The following FMNL2 variants were observed in gnomAD, a reference collection of about 807,000 sequenced individuals.
FMNL2 encodes the protein formin like 2.
In FMNL2, 51 loss-of-function variants were observed where a neutral mutation model predicts 130.2. That is an observed-to-expected ratio of 0.39 (90% CI 0.31 to 0.49). The LOEUF is 0.49. Among genes scored for constraint, FMNL2 ranks in the 20% least tolerant of loss-of-function variants. The pLI is 0.85. For missense variants in FMNL2, 977 were observed against 1,316.2 expected (o/e 0.74, Z 3.99); for synonymous variants, 465 against 467.1 (o/e 1.00, Z 0.06).
At chr2:152,418,222 G>T (rs996532355) in intron 1 of FMNL2, among the ~76,000 whole-genome samples, 12 of 152,188 alleles carry the variant, frequency 7.9e-5, no homozygotes, top group African/African-American at 2.9e-4. Context: ...TTAGTCCATT[G>T]CATTTACATG....
At chr2:152,447,801 TTG>T (rs1688430579) in intron 1 of FMNL2, among the ~76,000 whole-genome samples, 1 of 152,174 alleles carries the variant, frequency 6.6e-6, no homozygotes, top group Non-Finnish European at 1.5e-5. Context: ...TGACTGTCGT[TTG>T]GACCAAACGA....
At chr2:152,376,281 A>G (rs1275401800) in intron 1 of FMNL2, among the ~76,000 whole-genome samples, 3 of 152,144 alleles carry the variant, frequency 2.0e-5, no homozygotes, top group South Asian at 2.1e-4. Context: ...AATTGCTTCT[A>G]CTTTCTGGCT....
intron 1 of FMNL2, among the ~76,000 whole-genome samples, chr2:152,345,796 A>T (rs1682087801): frequency 6.6e-6 from 1 of 152,184 alleles, no homozygotes; most frequent in Admixed American, 6.5e-5. Flanking sequence ...GCGAACCTGG[A>T]GAAGCCATTT....
At chr2:152,363,884 T>C (rs1410775287) in intron 1 of FMNL2, among the ~76,000 whole-genome samples, 2 of 152,298 alleles carry the variant, frequency 1.3e-5, no homozygotes, top group East Asian at 3.9e-4. Context: ...AGTTTTCTAC[T>C]TGGTGTCTGG....
At chr2:152,501,015 G>A (rs950036366) in intron 1 of FMNL2, among the ~76,000 whole-genome samples, 7 of 152,220 alleles carry the variant, frequency 4.6e-5, no homozygotes, top group Non-Finnish European at 7.3e-5. Flanking sequence ...AAGGCAGGCC[G>A]GTGCTGTGAG....
intron 1 of FMNL2, among the ~76,000 whole-genome samples, chr2:152,479,022 AGTATGT>A (rs1361245679): frequency 6.6e-6 from 1 of 152,244 alleles, no homozygotes; most frequent in African/African-American, 2.4e-5. Context: ...AATAATTGAA[AGTATGT>A]TAATATTTAG....
intron 8 of FMNL2, among the ~76,000 whole-genome samples, chr2:152,580,037 C>T (rs1156718057): frequency 6.6e-6 from 1 of 152,222 alleles, no homozygotes; most frequent in African/African-American, 2.4e-5. Context: ...TTTCAAACTT[C>T]CCCTGATTAA....
intron 1 of FMNL2, among the ~76,000 whole-genome samples, chr2:152,385,635 A>G (rs1187484793): frequency 1.3e-5 from 2 of 152,214 alleles, no homozygotes; most frequent in African/African-American, 2.4e-5. Flanking sequence ...AGGCAAAAGT[A>G]TATCTGCTTG....
At chr2:152,441,854 G>A (rs1688067409) in intron 1 of FMNL2, among the ~76,000 whole-genome samples, 1 of 151,788 alleles carries the variant, frequency 6.6e-6, no homozygotes, top group Non-Finnish European at 1.5e-5. Context: ...AATTGAGAGA[G>A]GGACTTGGAG....
intron 15 of FMNL2, among the ~76,000 whole-genome samples, chr2:152,623,385 C>T (rs6434129): frequency 0.5 from 76,749 of 152,052 alleles, 20,009 homozygotes; most frequent in East Asian, 0.83. Flanking sequence ...AAATGCTGTA[C>T]GGTGAGGAAT....
At position 152,619,552 on chromosome 2, in the gene FMNL2, G is replaced by GCCAACC; in HGVS notation, c.1673_1674insAACCCC (p.Pro558_Pro559insThrPro). On this transcript the variant is annotated inframe_insertion, in exon 15 of 26. Coordinates refer to ENST00000288670, the MANE Select transcript of FMNL2 (RefSeq NM_052905.4). ...CACCACCTATGCCACCGCCGCCGCC[G>GCCAACC]CCCCCTCCTCCACCTCCTCCTCCCC... is the stretch of plus-strand genomic sequence containing the variant. The GCCAACC allele has an allele frequency of 7.1e-7, 1 of 1,417,708 alleles. No homozygotes were observed. The highest frequency in any genetic ancestry group is 1.3e-5 in the South Asian group (1 of 79,026). The allele number at this position is 1,417,708 out of a possible 1,614,324, so 87.8% of individuals were successfully genotyped here.
intron 2 of FMNL2, among the ~76,000 whole-genome samples, chr2:152,532,999 A>T (rs974489922): frequency 2.0e-5 from 3 of 152,210 alleles, no homozygotes; most frequent in Non-Finnish European, 2.9e-5. Context: ...TATCAAACAG[A>T]TACTTTGCAA....
rs774444186 is a variant in FMNL2 at position 152,542,867 on chromosome 2, A to T, written c.282+48A>T. On this transcript the variant is annotated intron_variant, in intron 3 of 25. Coordinates refer to ENST00000288670, the MANE Select transcript of FMNL2 (RefSeq NM_052905.4). ...CTTTGTTATTGCTTCCTTATTAGCG[A>T]GCAGAATCCTCCTGCATTGGAAGAG... 2.5e-6 allele frequency: 4 copies of T among 1,589,282 alleles called. No homozygotes were observed. The South Asian group carries it at 4.4e-5, about 18-fold the overall frequency.
chr2:152,646,302 C>T (rs906193356), intron 25 of FMNL2, among the ~76,000 whole-genome samples: 1 of 151,622 alleles, frequency 6.6e-6, no homozygotes, highest in Non-Finnish European at 1.5e-5. Flanking sequence ...TACACTCGAG[C>T]CTCAGTGACA....
At chr2:152,607,472 C>T (rs1580083344) in intron 10 of FMNL2, 59 bp downstream of exon 10, 2 of 24,300 alleles carry the variant, frequency 8.2e-5, no homozygotes, top group East Asian at 0.029. Flanking sequence ...TTTCTAAATA[C>T]ACACACACAC....
At chr2:152,356,096 A>G (rs1022578425) in intron 1 of FMNL2, among the ~76,000 whole-genome samples, 5 of 152,158 alleles carry the variant, frequency 3.3e-5, no homozygotes, top group African/African-American at 7.2e-5. Flanking sequence ...TTGATTTGAG[A>G]AGTATTTATG....
intron 1 of FMNL2, among the ~76,000 whole-genome samples, chr2:152,347,788 C>T (rs1682210617): frequency 2.0e-5 from 3 of 152,154 alleles, no homozygotes; most frequent in Admixed American, 2.0e-4. Flanking sequence ...ATTTGAGGGG[C>T]TCATGGCCAC....
intron 1 of FMNL2, among the ~76,000 whole-genome samples, chr2:152,361,704 T>C (rs1368855422): frequency 1.3e-5 from 2 of 152,156 alleles, no homozygotes; most frequent in African/African-American, 4.8e-5. Flanking sequence ...TTGCCAGCCA[T>C]GTCCTTAAGA....
At chr2:152,620,097 A>G (rs1055491304) in intron 15 of FMNL2, among the ~76,000 whole-genome samples, 1 of 151,744 alleles carries the variant, frequency 6.6e-6, no homozygotes. Flanking sequence ...AGGCACAGAC[A>G]TTGAGTGCTT....
Sources: gnomAD v4.1 joint callset for allele counts (sites outside exome capture counted in the v4.1 genomes callset) on GRCh38, gnomAD v4.1.1 for gene constraint, MANE v1.5 for transcripts, NCBI Gene and HGNC (gene_info 2026-07-23, HGNC 2026-07-21) for gene names.